Variants in NALF1 observed in about 807,000 individuals in gnomAD.
The protein encoded by NALF1 is NALCN channel auxiliary factor 1.
A neutral mutation model predicts 48.4 loss-of-function variants in NALF1; 3 were observed. That is an observed-to-expected ratio of 0.06 (90% confidence interval 0.03 to 0.16). The LOEUF is 0.16. NALF1 is among the 10% of genes least tolerant of loss of function. NALF1 has a pLI of 1.00. For synonymous variants in NALF1, 262 were observed against 245.7 expected, an observed-to-expected ratio of 1.07 and a Z score of -0.62; for missense variants, 526 against 571.5, an observed-to-expected ratio of 0.92 and a Z score of 0.81.
intron 1 of NALF1, among the ~76,000 whole-genome samples, chr13:107,837,072 T>TA (rs1156456870): frequency 2.6e-5 from 4 of 152,302 alleles, no homozygotes; most frequent in African/African-American, 9.6e-5. Context: ...TAATCCATGA[T>TA]AGAGCTTGGA....
At chr13:107,444,600 T>C (rs1441414930) in intron 1 of NALF1, among the ~76,000 whole-genome samples, 3 of 152,208 alleles carry the variant, frequency 2.0e-5, no homozygotes, top group Admixed American at 6.5e-5. Flanking sequence ...AACAATCCCT[T>C]ACTTGTTTTG....
chr13:107,261,407 A>T (rs985426155), intron 1 of NALF1, among the ~76,000 whole-genome samples: 1 of 152,132 alleles, frequency 6.6e-6, no homozygotes, highest in African/African-American at 2.4e-5. Context: ...CTGCGTGGCC[A>T]TTCTTCTCCT....
Position 107,772,290 on chromosome 13 carries a change from G to A in NALF1, c.915+93392C>T, listed in dbSNP as rs961078090. 4.0e-5 allele frequency among the ~76,000 whole-genome samples: 6 copies of A among 151,838 alleles called. No individual in the cohort carries two copies. The East Asian group carries it at 5.8e-4, about 15-fold the overall frequency. On this transcript the variant is annotated intron_variant, in intron 1 of 2. Coordinates refer to ENST00000375915, the MANE Select transcript of NALF1 (RefSeq NM_001080396.3). ...GGACTTGCCCTGAGTTCTTTCTTGCGCGAGATCCAAGAACCTTCTCTTGGG... is the reference window on the plus strand; with the variant it reads ...GGACTTGCCCTGAGTTCTTTCTTGCACGAGATCCAAGAACCTTCTCTTGGG...
intron 1 of NALF1, among the ~76,000 whole-genome samples, chr13:107,327,418 G>A (rs1882384632): frequency 6.6e-6 from 1 of 152,178 alleles, no homozygotes; most frequent in Non-Finnish European, 1.5e-5. Context: ...AACCAATTCA[G>A]TATGAATGAG....
chr13:107,340,489 T>TTCTTTC (rs1566489753), intron 1 of NALF1, among the ~76,000 whole-genome samples: 5 of 57,126 alleles, frequency 8.8e-5, no homozygotes, highest in African/African-American at 2.0e-4. Context: ...TTCTTTCTTT[T>TTCTTTC]TGTCTTTCTT....
intron 1 of NALF1, among the ~76,000 whole-genome samples, chr13:107,808,510 C>T (rs1366708350): frequency 1.3e-5 from 2 of 152,030 alleles, no homozygotes; most frequent in Non-Finnish European, 2.9e-5. Flanking sequence ...ACTTCAATAG[C>T]TCTTCTTGCT....
chr13:107,200,055 G>A (rs950744391), intron 2 of NALF1, among the ~76,000 whole-genome samples: 2 of 152,198 alleles, frequency 1.3e-5, no homozygotes, highest in African/African-American at 4.8e-5. Flanking sequence ...TTGGTGTCCT[G>A]TGGACACACC....
At chr13:107,275,930 T>C (rs1231466061) in intron 1 of NALF1, among the ~76,000 whole-genome samples, 2 of 152,200 alleles carry the variant, frequency 1.3e-5, no homozygotes, top group African/African-American at 2.4e-5. Context: ...GGGCTTCTCA[T>C]AGGACGTTGA....
chr13:107,483,033 T>C (rs1885277671), intron 1 of NALF1, among the ~76,000 whole-genome samples: 1 of 152,090 alleles, frequency 6.6e-6, no homozygotes, highest in Non-Finnish European at 1.5e-5. Flanking sequence ...TGTTGGAGTT[T>C]TACGTTTATT....
At chr13:107,482,561 A>C (rs9520462) in intron 1 of NALF1, among the ~76,000 whole-genome samples, 31,160 of 152,230 alleles carry the variant, frequency 0.2, 4,091 homozygotes, top group Non-Finnish European at 0.29. Context: ...TATTTTAAGA[A>C]ATGTAGAAAG....
At chr13:107,804,225 A>T (rs1878705619) in intron 1 of NALF1, among the ~76,000 whole-genome samples, 1 of 152,062 alleles carries the variant, frequency 6.6e-6, no homozygotes, top group African/African-American at 2.4e-5. Context: ...TGTCTTCAAG[A>T]CCTTGTTCAC....
At chr13:107,783,297 G>A (rs1877974415) in intron 1 of NALF1, among the ~76,000 whole-genome samples, 2 of 111,800 alleles carry the variant, frequency 1.8e-5, no homozygotes, top group South Asian at 3.1e-4. Context: ...GGGCGCCTCT[G>A]CCCGGCCACC....
At chr13:107,428,499 G>A (rs1830757) in intron 1 of NALF1, among the ~76,000 whole-genome samples, 5,255 of 152,234 alleles carry the variant, frequency 0.035, 131 homozygotes, top group Non-Finnish European at 0.051. Flanking sequence ...GTATGTGACT[G>A]TATTATTTGT....
chr13:107,179,770 AG>A (rs972182302), intron 2 of NALF1, among the ~76,000 whole-genome samples: 4 of 151,248 alleles, frequency 2.6e-5, no homozygotes, highest in Non-Finnish European at 5.9e-5. Context: ...CTGGGGCTCA[AG>A]GGGAGGATTC....
chr13:107,229,647 G>C (rs552736703), intron 1 of NALF1, among the ~76,000 whole-genome samples: 1 of 152,136 alleles, frequency 6.6e-6, no homozygotes, highest in Non-Finnish European at 1.5e-5. Flanking sequence ...CCACACCCAT[G>C]AACATTTATA....
chr13:107,572,557 G>C (rs568255723), intron 1 of NALF1, among the ~76,000 whole-genome samples: 2 of 152,186 alleles, frequency 1.3e-5, no homozygotes, highest in South Asian at 4.1e-4. Flanking sequence ...CAGGATTCTC[G>C]TGACTTCTAC....
intron 1 of NALF1, among the ~76,000 whole-genome samples, chr13:107,463,484 T>G (rs1884952520): frequency 6.6e-6 from 1 of 152,208 alleles, no homozygotes; most frequent in Non-Finnish European, 1.5e-5. Context: ...AATTTTGAAA[T>G]TTACTATGTA....
intron 1 of NALF1, among the ~76,000 whole-genome samples, chr13:107,671,222 T>A (rs892860352): frequency 6.6e-6 from 1 of 152,142 alleles, no homozygotes; most frequent in African/African-American, 2.4e-5. Flanking sequence ...ATAATATATC[T>A]TGTGAACTCA....
chr13:107,499,496 C>A (rs886233139), intron 1 of NALF1, among the ~76,000 whole-genome samples: 54 of 152,162 alleles, frequency 3.5e-4, no homozygotes, highest in African/African-American at 1.3e-3. Flanking sequence ...GTGTGAGCCA[C>A]TGGGCCAGGC....
Sources: allele counts gnomAD v4.1 joint callset (sites outside exome capture counted in the v4.1 genomes callset), GRCh38; gene constraint gnomAD v4.1.1; transcripts MANE v1.5; gene names NCBI Gene and HGNC (gene_info 2026-07-23, HGNC 2026-07-21).